Variants in SS18 observed in about 807,000 individuals in gnomAD.
SS18 encodes SS18 subunit of BAF chromatin remodeling complex, also known as protein SSXT.
Under a neutral mutation model 72.5 loss-of-function variants are expected in SS18, and 28 were observed. That is an observed-to-expected ratio of 0.39 (90% CI 0.29 to 0.53). The LOEUF (loss-of-function observed/expected upper bound fraction) is 0.53. Among genes scored for constraint, SS18 ranks in the 20% least tolerant of loss-of-function variants. SS18 has a pLI of 0.76. For synonymous variants in SS18, 172 were observed against 164.2 expected, an observed-to-expected ratio of 1.05 and a Z score of -0.37; for missense variants, 518 against 535.3, an observed-to-expected ratio of 0.97 and a Z score of 0.32.
chr18:26,071,880 C>G (rs2054316021), intron 3 of SS18, among the ~76,000 whole-genome samples: 1 of 151,366 alleles, frequency 6.6e-6, no homozygotes, highest in African/African-American at 2.4e-5. Context: ...CAGACCCAGA[C>G]CAAAACAAAA....
At chr18:26,052,511 C>A in intron 5 of SS18, 113 bp downstream of exon 5, 1 of 781,400 alleles carries the variant, frequency 1.3e-6, no homozygotes, top group Admixed American at 2.4e-5. Flanking sequence ...GCATGACTGT[C>A]ACTCACTTTA....
chr18:26,071,681 AG>A (rs1347203474), intron 3 of SS18, among the ~76,000 whole-genome samples: 1 of 152,168 alleles, frequency 6.6e-6, no homozygotes, highest in Non-Finnish European at 1.5e-5. Context: ...TACAAAAATC[AG>A]CCAGGCATGA....
Position 26,057,660 on chromosome 18 carries a change from G to A in SS18, c.314C>T (p.Pro105Leu). ...ACCCCCACCTACCATTCCATCTGAA[G>A]GCATGTTGTGAGAGCGTGGAGGTGG... is the stretch of plus-strand genomic sequence containing the variant. Reference protein sequence around the residue: ...PPPPPRSHNMPSDGMVGGGPP... With the variant: ...PPPPPRSHNMLSDGMVGGGPP... Residue 105 changes from proline (P) to leucine (L), a missense_variant, in exon 4 of 11, where the codon CCT becomes CTT. Physicochemically the swap from Pro to Leu is moderately conservative, Grantham distance 98. Coordinates refer to ENST00000415083, the MANE Select transcript of SS18 (RefSeq NM_001007559.3). 1 of 1,614,130 alleles carries A rather than the reference G, an allele frequency of 6.2e-7. No individual in the cohort carries two copies. Among genetic ancestry groups the A allele is most frequent in the Middle Eastern group, 1.7e-4 (1 of 6,052 alleles).
At chr18:26,075,083 A>C (rs942021024) in intron 3 of SS18, among the ~76,000 whole-genome samples, 4 of 151,980 alleles carry the variant, frequency 2.6e-5, no homozygotes, top group African/African-American at 9.6e-5. Flanking sequence ...AAGTAAGTAA[A>C]TAAAAACTTC....
intron 10 of SS18, among the ~76,000 whole-genome samples, chr18:26,024,183 C>T (rs537642153): frequency 6.6e-6 from 1 of 152,282 alleles, no homozygotes; most frequent in South Asian, 2.1e-4. Flanking sequence ...GCTGGAAAAT[C>T]TCCAAATATT....
At chr18:26,048,521 C>A (rs9953661) in intron 5 of SS18, among the ~76,000 whole-genome samples, 1 of 152,002 alleles carries the variant, frequency 6.6e-6, no homozygotes, top group Non-Finnish European at 1.5e-5. Context: ...ACCTCCTTTT[C>A]GTCTATCTCT....
chr18:26,025,852 C>A (rs1458900593), intron 10 of SS18, among the ~76,000 whole-genome samples: 1 of 150,550 alleles, frequency 6.6e-6, no homozygotes, highest in Non-Finnish European at 1.5e-5. Context: ...ACCAGACAAA[C>A]ATGTTACAAG....
chr18:26,083,329 C>T (rs750247258), intron 2 of SS18, among the ~76,000 whole-genome samples: 2 of 152,052 alleles, frequency 1.3e-5, no homozygotes, highest in Non-Finnish European at 2.9e-5. Context: ...ATACACTATC[C>T]GTGACATATA....
Position 26,031,765 on chromosome 18 carries a change from G to T in SS18, c.1230+634C>A, listed in dbSNP as rs1464932519. On this transcript the variant is annotated intron_variant, in intron 10 of 10. Transcript: ENST00000415083. Reference sequence around the variant, plus strand: ...AAATAACAGTTGAAATAATAGTTACGTGTGTGGAAGGAGGCAACAGAGGGC... The same window carrying T: ...AAATAACAGTTGAAATAATAGTTACTTGTGTGGAAGGAGGCAACAGAGGGC... Among the ~76,000 whole-genome samples the T allele has an allele frequency of 2.0e-5, 3 of 152,132 alleles. No homozygotes were observed. In the East Asian group the frequency reaches 5.8e-4, roughly 29 times the overall value.
chr18:26,039,574 A>C, intron 5 of SS18, 118 bp from the exon 6 acceptor site: 2 of 862,694 alleles, frequency 2.3e-6, no homozygotes, highest in Middle Eastern at 3.9e-4. Context: ...ATGCAGTAAA[A>C]ACTGATTTCA....
chr18:26,068,665 T>A (rs1408738131), intron 3 of SS18: 1 of 152,134 alleles, frequency 6.6e-6, no homozygotes. Context: ...TCATCTTTAC[T>A]AAAGCGTGTG....
intron 3 of SS18, among the ~76,000 whole-genome samples, chr18:26,071,570 C>T (rs2054309914): frequency 6.6e-6 from 1 of 152,126 alleles, no homozygotes; most frequent in Admixed American, 6.5e-5. Context: ...GTGGCTCATG[C>T]CTACAATCCC....
intron 2 of SS18, chr18:26,082,656 C>A: frequency 3.6e-6 from 1 of 278,194 alleles, no homozygotes. Flanking sequence ...GGAAGATGGT[C>A]CAGGCACATG....
intron 10 of SS18, among the ~76,000 whole-genome samples, chr18:26,022,925 G>A (rs2053378146): frequency 1.3e-5 from 2 of 152,156 alleles, no homozygotes; most frequent in South Asian, 2.1e-4. Flanking sequence ...AAAGGGCATT[G>A]GGCAAAACAC....
intron 2 of SS18, among the ~76,000 whole-genome samples, chr18:26,080,874 C>T (rs1015686294): frequency 5.3e-5 from 8 of 152,034 alleles, no homozygotes; most frequent in African/African-American, 1.9e-4. Context: ...TCAGTACTGG[C>T]TTTCCAAAAC....
At chr18:26,050,909 A>AAAATAAAT (rs554116132) in intron 5 of SS18, among the ~76,000 whole-genome samples, 8,272 of 151,692 alleles carry the variant, frequency 0.055, 666 homozygotes, top group African/African-American at 0.18. Flanking sequence ...ACGCCGTCTC[A>AAAATAAAT]AAATAAATAA....
Position 26,030,185 on chromosome 18 carries a change from T to C in SS18, c.1230+2214A>G, listed in dbSNP as rs542384958. On this transcript the variant is annotated intron_variant, in intron 10 of 10. Coordinates refer to ENST00000415083, the MANE Select transcript of SS18 (RefSeq NM_001007559.3). ...CCCCTAATACGGCTTGTAAGAGCCTTCCTAAGCTAACTCCAACACCTCTCT... is the reference window on the plus strand; with the variant it reads ...CCCCTAATACGGCTTGTAAGAGCCTCCCTAAGCTAACTCCAACACCTCTCT... Among the ~76,000 whole-genome samples the C allele has an allele frequency of 4.6e-5, 7 of 152,310 alleles. No homozygotes were observed. The East Asian group carries it at 7.7e-4, about 17-fold the overall frequency.
At chr18:26,044,535 G>C (rs1183257774) in intron 5 of SS18, among the ~76,000 whole-genome samples, 1 of 151,618 alleles carries the variant, frequency 6.6e-6, no homozygotes, top group Non-Finnish European at 1.5e-5. Context: ...TGTTGGCCAG[G>C]TTGGTCTCAA....
intron 10 of SS18, among the ~76,000 whole-genome samples, chr18:26,024,908 T>C (rs970817493): frequency 1.6e-4 from 24 of 152,006 alleles, no homozygotes; most frequent in Admixed American, 8.5e-4. Context: ...TGACTACATA[T>C]GCTGTCTACT....
Sources: allele counts gnomAD v4.1 joint callset (sites outside exome capture counted in the v4.1 genomes callset), GRCh38; gene constraint gnomAD v4.1.1; transcripts MANE v1.5; gene names NCBI Gene and HGNC (gene_info 2026-07-23, HGNC 2026-07-21).